Variants in OTOG observed in about 807,000 individuals in gnomAD.
OTOG encodes otogelin.
Under a neutral mutation model 313.8 loss-of-function variants are expected in OTOG, and 296 were observed. That is an observed-to-expected ratio of 0.94 (90% CI 0.86 to 1.04). The LOEUF (loss-of-function observed/expected upper bound fraction) is 1.04, where lower values mean the gene tolerates loss of function less well. Among genes scored for constraint, OTOG ranks in the 50% least tolerant of loss-of-function variants. OTOG has a pLI of 0.00. For synonymous variants in OTOG, 1,533 were observed against 1,554.9 expected (o/e 0.99, Z 0.33); for missense variants, 3,948 against 3,840.1 (o/e 1.03, Z -0.74).
At position 17,576,849 on chromosome 11, in the gene OTOG, G is replaced by A. The variant is rs1353472818; in HGVS notation, c.2562-19G>A. ...CAGTGACTGGGTCGGCTAACCCCAGGGCCCGTCTCTCTCTGCAGCCACTGC... is the reference window on the plus strand; with the variant it reads ...CAGTGACTGGGTCGGCTAACCCCAGAGCCCGTCTCTCTCTGCAGCCACTGC... On this transcript the variant is annotated intron_variant, in intron 21 of 55. Coordinates refer to ENST00000399397, the MANE Select transcript of OTOG (RefSeq NM_001292063.2). 2.6e-6 allele frequency: 4 copies of A among 1,550,214 alleles called. No individual in the cohort carries two copies. The South Asian group carries it at 4.8e-5, about 18-fold the overall frequency.
chr11:17,558,770 A>C, intron 10 of OTOG, 126 bp downstream of exon 10: 2 of 1,071,832 alleles, frequency 1.9e-6, no homozygotes, highest in Non-Finnish European at 2.7e-6. Flanking sequence ...TGAAATTCTT[A>C]TCTGCCTAGG....
Position 17,610,156 on chromosome 11 carries a change from C to A in OTOG, c.4856C>A (p.Ala1619Asp). ...PAPRFPLMTKAVTVRGHGSLP... is the reference protein window; with the variant it reads ...PAPRFPLMTKDVTVRGHGSLP... ...CCTCGCTTCCCGCTCATGACCAAGG[C>A]TGTGACAGTCCGAGGCCATGGCTCC... Residue 1619 changes from alanine (A) to aspartate (D), a missense_variant, in exon 36 of 56, where the codon GCT (alanine) becomes GAT (aspartate). Coordinates refer to ENST00000399397, the MANE Select transcript of OTOG (RefSeq NM_001292063.2). 1.9e-6 allele frequency: 3 copies of A among 1,550,654 alleles called. No individual in the cohort carries two copies. Among genetic ancestry groups the A allele is most frequent in the Non-Finnish European group, 2.6e-6 (3 of 1,146,988 alleles).
intron 30 of OTOG, among the ~76,000 whole-genome samples, chr11:17,597,277 G>C (rs1011694638): frequency 6.6e-6 from 1 of 152,220 alleles, no homozygotes; most frequent in Non-Finnish European, 1.5e-5. Context: ...CATCCCTAGA[G>C]AGTCCAATGC....
At chr11:17,633,568 G>A (rs1045613643) in intron 42 of OTOG, 112 bp from the exon 43 acceptor site, 4 of 990,204 alleles carry the variant, frequency 4.0e-6, no homozygotes, top group Non-Finnish European at 4.3e-6. Context: ...TCTCTGCTGA[G>A]GTGCTGATGA....
intron 35 of OTOG, among the ~76,000 whole-genome samples, 177 bp from the exon 36 acceptor site, chr11:17,609,478 G>A (rs1853470251): frequency 6.6e-6 from 1 of 152,022 alleles, no homozygotes; most frequent in Non-Finnish European, 1.5e-5. Flanking sequence ...TGGTTCTGGG[G>A]TCAGGGTCTG....
intron 23 of OTOG, among the ~76,000 whole-genome samples, chr11:17,582,570 C>A (rs1286029193): frequency 6.6e-6 from 1 of 152,150 alleles, no homozygotes; most frequent in East Asian, 1.9e-4. Context: ...AGTGATTGGA[C>A]AATTTTACAC....
chr11:17,595,238 G>A (rs367748518), intron 28 of OTOG, among the ~76,000 whole-genome samples: 1 of 152,140 alleles, frequency 6.6e-6, no homozygotes, highest in African/African-American at 2.4e-5. Flanking sequence ...CCCCATTTTA[G>A]AGAAGCTCAG....
intron 22 of OTOG, among the ~76,000 whole-genome samples, chr11:17,577,231 T>A (rs1852550180): frequency 6.6e-6 from 1 of 152,248 alleles, no homozygotes; most frequent in East Asian, 1.9e-4. Context: ...TGGGTCCTGA[T>A]GTTTTCTGTC....
At chr11:17,613,182 CTTTCTTTCTTTCT>C (rs1452148662) in intron 38 of OTOG, among the ~76,000 whole-genome samples, 3,353 of 95,346 alleles carry the variant, frequency 0.035, 107 homozygotes, top group African/African-American at 0.047. Context: ...TTCTTTCTTT[CTTTCTTTCTTTCT>C]TTTCTTTCTT....
intron 32 of OTOG, among the ~76,000 whole-genome samples, chr11:17,603,442 G>A (rs886549287): frequency 3.9e-5 from 6 of 152,306 alleles, no homozygotes; most frequent in Admixed American, 1.3e-4. Flanking sequence ...GTCCAGAGGG[G>A]GTGTTGCCTT....
rs1480434391 is a variant in OTOG at position 17,606,147 on chromosome 11, C to A, written c.4156+12C>A. On this transcript the variant is annotated intron_variant, in intron 33 of 55. Transcript: ENST00000399397. Reference sequence around the variant, plus strand: ...CTTCCGCCTTCTGGGTAGGCGACCCCCTGCCATTGCCCTCGGCCCTTTGGC... The same window carrying A: ...CTTCCGCCTTCTGGGTAGGCGACCCACTGCCATTGCCCTCGGCCCTTTGGC... The A allele has an allele frequency of 6.6e-7, 1 of 1,517,862 alleles. No individual in the cohort carries two copies. Among genetic ancestry groups the A allele is most frequent in the East Asian group, 2.5e-5 (1 of 40,458 alleles). The allele number at this position is 1,517,862 out of a possible 1,614,324, so 94.0% of individuals were successfully genotyped here.
intron 4 of OTOG, 27 bp downstream of exon 4, chr11:17,552,102 T>C: frequency 6.5e-7 from 1 of 1,547,882 alleles, no homozygotes; most frequent in Non-Finnish European, 8.7e-7. Flanking sequence ...CTGTGGTCCA[T>C]GGGTTGTGCA....
At chr11:17,565,021 G>A (rs1409993361) in intron 15 of OTOG, among the ~76,000 whole-genome samples, 1 of 152,172 alleles carries the variant, frequency 6.6e-6, no homozygotes, top group Non-Finnish European at 1.5e-5. Flanking sequence ...TAGAGTTCCT[G>A]TCTATCTTAC....
intron 39 of OTOG, among the ~76,000 whole-genome samples, chr11:17,626,513 G>A (rs994451898): frequency 1.3e-5 from 2 of 152,126 alleles, no homozygotes; most frequent in African/African-American, 4.8e-5. Flanking sequence ...TGCTGCTTTG[G>A]TTACTATAAC....
At chr11:17,552,619 A>ACCTGTCCTGTGTCCCC (rs1382289553) in intron 4 of OTOG, among the ~76,000 whole-genome samples, 14 of 37,182 alleles carry the variant, frequency 3.8e-4, no homozygotes, top group African/African-American at 9.7e-4. Context: ...CTGTCCTCTC[A>ACCTGTCCTGTGTCCCC]CATCATGGCT....
At position 17,631,769 on chromosome 11, in the gene OTOG, G is replaced by A. The variant is rs1311411933; in HGVS notation, c.6780G>A (p.Glu2260=). The A allele has an allele frequency of 1.6e-5, 25 of 1,550,478 alleles. No individual in the cohort carries two copies. Among genetic ancestry groups the A allele is most frequent in the Non-Finnish European group, 2.2e-5 (25 of 1,147,006 alleles). ...ATGGCTCAGTGGTGGGTGGGGCTGA[G>A]GACCCTGCTCCCTTTCTGGACAGCT... ...LKDGSVVGGA[E]DPAPFLDSWQ... The change falls in exon 41 of 56, where the codon GAG becomes GAA. Residue 2260 remains glutamate, a synonymous_variant. Coordinates refer to ENST00000399397, the MANE Select transcript of OTOG (RefSeq NM_001292063.2).
chr11:17,576,758 G>C, intron 21 of OTOG, 110 bp from the exon 22 acceptor site: 1 of 1,464,390 alleles, frequency 6.8e-7, no homozygotes, highest in African/African-American at 1.4e-5. Flanking sequence ...AGGGGGAAGT[G>C]AGTGAGGGTG....
rs1402361470 is a variant in OTOG, at chr11:17,578,501, C to G, written c.2734C>G (p.Leu912Val). The G allele has an allele frequency of 1.2e-5, 19 of 1,538,530 alleles. No individual in the cohort carries two copies. The East Asian group carries it at 4.6e-4, about 38-fold the overall frequency. ...NLSVSARGPC[L>V]SGCACPQGLL... ...GAGCGTGTCAGCCCGTGGCCCCTGC[C>G]TCTCGGGCTGCGCCTGTCCCCAGGG... The change falls in exon 23 of 56, where the codon CTC (leucine) becomes GTC (valine). Residue 912 changes from leucine to valine, a missense_variant. Transcript: ENST00000399397.
intron 49 of OTOG, among the ~76,000 whole-genome samples, chr11:17,639,867 T>G (rs1847932424): frequency 8.0e-6 from 1 of 125,164 alleles, no homozygotes; most frequent in Admixed American, 7.8e-5. Context: ...GATAATGCAA[T>G]GGTGATGGTG....
Sources: allele counts gnomAD v4.1 joint callset (sites outside exome capture counted in the v4.1 genomes callset), GRCh38; gene constraint gnomAD v4.1.1; transcripts MANE v1.5; gene names NCBI Gene and HGNC (gene_info 2026-07-23, HGNC 2026-07-21).